Variants in SMARCAD1 observed in about 807,000 individuals in gnomAD.
SMARCAD1 encodes SWI/SNF-related matrix-associated actin-dependent regulator of chromatin subfamily A containing DEAD/H box 1.
In SMARCAD1, 25 loss-of-function variants were observed where a neutral mutation model predicts 127.1. The observed-to-expected ratio is 0.20, with a 90% CI of 0.14 to 0.27. SMARCAD1 has a LOEUF of 0.27. Ranked by LOEUF, SMARCAD1 falls within the 10% of genes least tolerant of loss-of-function variation. The pLI, the probability that SMARCAD1 is intolerant of heterozygous loss-of-function variation, is 1.00. For synonymous variants in SMARCAD1, 400 were observed against 396.9 expected (o/e 1.01, Z -0.09); for missense variants, 807 against 1,206.0 (o/e 0.67, Z 4.90).
At chr4:94,271,670 C>T (rs1372581815) in intron 11 of SMARCAD1, among the ~76,000 whole-genome samples, 2 of 152,104 alleles carry the variant, frequency 1.3e-5, no homozygotes, top group African/African-American at 4.8e-5. Context: ...GAATAATATT[C>T]ACAGGATTTC....
chr4:94,237,515 A>G (rs1036478755), intron 5 of SMARCAD1, among the ~76,000 whole-genome samples: 1 of 151,780 alleles, frequency 6.6e-6, no homozygotes, highest in African/African-American at 2.4e-5. Flanking sequence ...AAAAAAAGTA[A>G]AAATCACCTG....
intron 9 of SMARCAD1, among the ~76,000 whole-genome samples, chr4:94,260,524 A>G (rs1426732118): frequency 1.3e-5 from 2 of 151,848 alleles, no homozygotes; most frequent in Admixed American, 6.6e-5. Flanking sequence ...TTGTATTTTT[A>G]GTAGAGACAG....
At chr4:94,223,480 G>A (rs182588562) in intron 2 of SMARCAD1, among the ~76,000 whole-genome samples, 21 of 152,086 alleles carry the variant, frequency 1.4e-4, no homozygotes, top group Non-Finnish European at 2.6e-4. Flanking sequence ...GCGACAGAGC[G>A]AGACTCTGTC....
At chr4:94,222,144 A>G (rs1203439963) in intron 2 of SMARCAD1, among the ~76,000 whole-genome samples, 1 of 152,202 alleles carries the variant, frequency 6.6e-6, no homozygotes, top group Non-Finnish European at 1.5e-5. Context: ...TGCTGCATGC[A>G]AGAAGAGATG....
At chr4:94,230,131 A>G (rs1214655188) in intron 3 of SMARCAD1, among the ~76,000 whole-genome samples, 1 of 151,814 alleles carries the variant, frequency 6.6e-6, no homozygotes, top group Non-Finnish European at 1.5e-5. Context: ...TTTCTTTTAA[A>G]TTTTACTTTC....
At chr4:94,288,001 TA>T (rs975530444) in intron 23 of SMARCAD1, among the ~76,000 whole-genome samples, 16 of 151,842 alleles carry the variant, frequency 1.1e-4, no homozygotes, top group South Asian at 4.2e-4. Context: ...AATATATATA[TA>T]TTTTTTTAAT....
chr4:94,241,123 C>T, intron 6 of SMARCAD1, 117 bp downstream of exon 6: 1 of 719,064 alleles, frequency 1.4e-6, no homozygotes, highest in Admixed American at 2.3e-5. Flanking sequence ...TCTATCACAA[C>T]TAAGGGAATT....
rs756845824 is a variant in SMARCAD1 at position 94,278,410 on chromosome 4, T to C, written c.2083-12T>C. 1.9e-6 allele frequency: 3 copies of C among 1,603,820 alleles called. No homozygotes were observed. Among genetic ancestry groups the C allele is most frequent in the Middle Eastern group, 1.7e-4 (1 of 6,032 alleles). ...AATAATTCCTAAAAGGATATGTTTT[T>C]ATTTTGCTCAGAAATCAGCAGATGA... On this transcript the variant is annotated splice_polypyrimidine_tract_variant and intron_variant, in intron 16 of 23. Coordinates refer to ENST00000354268, the MANE Select transcript of SMARCAD1 (RefSeq NM_020159.5).
chr4:94,230,689 C>A (rs1745704590), intron 3 of SMARCAD1, among the ~76,000 whole-genome samples: 1 of 152,038 alleles, frequency 6.6e-6, no homozygotes, highest in Admixed American at 6.6e-5. Context: ...AGCAAAACTA[C>A]CCCCTACCCC....
At chr4:94,253,419 A>G in intron 9 of SMARCAD1, 1 of 1,236,840 alleles carries the variant, frequency 8.1e-7, no homozygotes, top group Non-Finnish European at 1.0e-6. Context: ...GAAGAGCAAT[A>G]GCAACGGCCA....
At chr4:94,215,641 G>C (rs560213674) in intron 2 of SMARCAD1, among the ~76,000 whole-genome samples, 1 of 135,338 alleles carries the variant, frequency 7.4e-6, no homozygotes, top group Non-Finnish European at 1.6e-5. Flanking sequence ...GTGGGGGGGA[G>C]GAGGGGGATA....
chr4:94,276,951 C>G, intron 15 of SMARCAD1, 71 bp from the exon 16 acceptor site: 1 of 1,501,706 alleles, frequency 6.7e-7, no homozygotes, highest in Non-Finnish European at 9.3e-7. Flanking sequence ...TCACCTTTCA[C>G]TGGGGAGGAT....
intron 19 of SMARCAD1, 110 bp from the exon 20 acceptor site, chr4:94,280,482 G>T (rs142251241): frequency 7.3e-6 from 7 of 963,000 alleles, no homozygotes; most frequent in East Asian, 2.6e-5. Context: ...ACACTAAAAG[G>T]TTCTATGATT....
chr4:94,281,435 T>G, intron 20 of SMARCAD1, 37 bp from the exon 21 acceptor site: 1 of 1,424,398 alleles, frequency 7.0e-7, no homozygotes, highest in Non-Finnish European at 9.9e-7. Context: ...AGTAAAACGA[T>G]TTTTTCTATT....
intron 11 of SMARCAD1, among the ~76,000 whole-genome samples, chr4:94,271,380 G>A (rs1752517514): frequency 1.3e-5 from 2 of 152,080 alleles, no homozygotes; most frequent in Admixed American, 1.3e-4. Context: ...GTTTGTTATA[G>A]CCAGTAGTCC....
chr4:94,270,655 G>A, intron 10 of SMARCAD1, 73 bp from the exon 11 acceptor site: 1 of 1,306,864 alleles, frequency 7.7e-7, no homozygotes, highest in East Asian at 2.3e-5. Context: ...TAGTTTTTAT[G>A]TGCATTGTAA....
chr4:94,220,904 C>T (rs533289458), intron 2 of SMARCAD1, among the ~76,000 whole-genome samples: 28 of 152,356 alleles, frequency 1.8e-4, no homozygotes, highest in Admixed American at 3.9e-4. Context: ...GTGAAGTACG[C>T]ATCACTGCAT....
chr4:94,255,844 T>C (rs1393757817), intron 9 of SMARCAD1, among the ~76,000 whole-genome samples: 1 of 152,068 alleles, frequency 6.6e-6, no homozygotes, highest in East Asian at 1.9e-4. Flanking sequence ...TTCTTCATAA[T>C]TTTTTCCATT....
At chr4:94,262,830 C>A (rs1356917048) in intron 9 of SMARCAD1, among the ~76,000 whole-genome samples, 1 of 147,814 alleles carries the variant, frequency 6.8e-6, no homozygotes, top group Non-Finnish European at 1.5e-5. Flanking sequence ...TGTTCGTAGA[C>A]CACAAGGACA....
Sources: gnomAD v4.1 joint callset for allele counts (sites outside exome capture counted in the v4.1 genomes callset) on GRCh38, gnomAD v4.1.1 for gene constraint, MANE v1.5 for transcripts, NCBI Gene and HGNC (gene_info 2026-07-23, HGNC 2026-07-21) for gene names.